The following COL4A6 variants were observed in gnomAD, a reference collection of about 807,000 sequenced individuals.
The protein encoded by COL4A6 is collagen type IV alpha 6 chain.
A neutral mutation model predicts 126.7 loss-of-function variants in COL4A6; 59 were observed. That is an observed-to-expected ratio of 0.47 (90% CI 0.38 to 0.58). The LOEUF (loss-of-function observed/expected upper bound fraction) is 0.58, where lower values mean the gene tolerates loss of function less well. COL4A6 is among the 20% of genes least tolerant of loss of function. COL4A6 has a pLI of 0.00. For synonymous variants in COL4A6, 547 were observed against 496.6 expected, an observed-to-expected ratio of 1.10 and a Z score of -1.35; for missense variants, 1,285 against 1,337.3, an observed-to-expected ratio of 0.96 and a Z score of 0.61.
At chrX:108,421,162 TC>T (rs760204303) in intron 2 of COL4A6, among the ~76,000 whole-genome samples, 1 of 112,094 alleles carries the variant, frequency 8.9e-6, no homozygotes, top group Non-Finnish European at 1.9e-5. Context: ...TTGCTGGCTG[TC>T]TTTTTGCCAT....
At chrX:108,328,467 C>G (rs750232070) in intron 2 of COL4A6, among the ~76,000 whole-genome samples, 4 of 111,008 alleles carry the variant, frequency 3.6e-5, no homozygotes, top group Admixed American at 1.9e-4. Context: ...ATGATTAAGT[C>G]TCTAGATCTA....
At chrX:108,279,040 G>T (rs768885576) in intron 3 of COL4A6, among the ~76,000 whole-genome samples, 113 of 111,958 alleles carry the variant, frequency 1.0e-3, no homozygotes, top group African/African-American at 3.6e-3. Context: ...GCAAAAACAT[G>T]CCAAATTGTA....
At chrX:108,409,468 C>T (rs2041283015) in intron 2 of COL4A6, among the ~76,000 whole-genome samples, 1 of 112,055 alleles carries the variant, frequency 8.9e-6, no homozygotes, top group Admixed American at 9.5e-5. Context: ...TTCCTCTAAA[C>T]AATCCTGAGA....
intron 2 of COL4A6, among the ~76,000 whole-genome samples, chrX:108,359,344 C>T (rs1441354724): frequency 8.9e-6 from 1 of 112,649 alleles, no homozygotes; most frequent in Non-Finnish European, 1.9e-5. Flanking sequence ...TAATCCAGAT[C>T]TGTCTGACAC....
chrX:108,380,788 T>C (rs1051140274), intron 2 of COL4A6, among the ~76,000 whole-genome samples: 1 of 112,087 alleles, frequency 8.9e-6, no homozygotes, highest in Non-Finnish European at 1.9e-5. Context: ...CCCAGAGTCA[T>C]TGAATCAAAA....
chrX:108,281,148 A>G (rs1162130237), intron 3 of COL4A6, among the ~76,000 whole-genome samples: 9 of 96,714 alleles, frequency 9.3e-5, no homozygotes, highest in Admixed American at 1.2e-4. Context: ...TGGCCAGGGC[A>G]ATTAGGCAGG....
chrX:108,406,826 C>T (rs752405473), intron 2 of COL4A6, among the ~76,000 whole-genome samples: 3 of 110,968 alleles, frequency 2.7e-5, no homozygotes, highest in Admixed American at 9.6e-5. Context: ...TTCAATTAGA[C>T]TGCCATGCAA....
intron 40 of COL4A6, chrX:108,163,267 T>G: frequency 2.8e-6 from 1 of 354,365 alleles, no homozygotes; most frequent in South Asian, 5.5e-5. Flanking sequence ...GTCATATTCA[T>G]CCTGTCTCCT....
At chrX:108,221,113 G>T in intron 4 of COL4A6, 127 bp downstream of exon 4, 2 of 962,329 alleles carry the variant, frequency 2.1e-6, no homozygotes, top group Non-Finnish European at 3.0e-6. Context: ...AAAAAATGCA[G>T]AAATGCAGCC....
chrX:108,363,518 A>G (rs1363679560), intron 2 of COL4A6, among the ~76,000 whole-genome samples: 1 of 112,155 alleles, frequency 8.9e-6, no homozygotes, highest in East Asian at 2.8e-4. Flanking sequence ...CTTGTCCCCA[A>G]ATTACACCAC....
chrX:108,349,856 G>T (rs1335590140), intron 2 of COL4A6, among the ~76,000 whole-genome samples: 1 of 111,631 alleles, frequency 9.0e-6, no homozygotes, highest in African/African-American at 3.3e-5. Flanking sequence ...ATTTATTTTC[G>T]TCTATGCTAG....
At chrX:108,171,267 T>A (rs1193774014) in intron 33 of COL4A6, 120 bp downstream of exon 33, 1 of 563,174 alleles carries the variant, frequency 1.8e-6, no homozygotes, top group African/African-American at 2.3e-5. Flanking sequence ...AATTGATAGA[T>A]AGGAAATTTT....
intron 3 of COL4A6, among the ~76,000 whole-genome samples, chrX:108,270,376 T>C (rs2037416093): frequency 8.8e-6 from 1 of 113,067 alleles, no homozygotes; most frequent in Non-Finnish European, 1.9e-5. Flanking sequence ...TACAAGCTTA[T>C]GCTTTAAGAG....
intron 4 of COL4A6, chrX:108,221,014 T>A: frequency 2.3e-6 from 1 of 440,195 alleles, no homozygotes; most frequent in Non-Finnish European, 4.2e-6. Context: ...AGGAGAATCA[T>A]TTGAACCCAA....
At chrX:108,323,815 T>C (rs1421400386) in intron 2 of COL4A6, among the ~76,000 whole-genome samples, 1 of 112,354 alleles carries the variant, frequency 8.9e-6, no homozygotes, top group Non-Finnish European at 1.9e-5. Context: ...GCCTTCCTTT[T>C]TGACTACTTT....
At chrX:108,187,542 C>T (rs891233470) in intron 22 of COL4A6, among the ~76,000 whole-genome samples, 4 of 111,590 alleles carry the variant, frequency 3.6e-5, no homozygotes, top group Non-Finnish European at 7.5e-5. Context: ...ATAATAACAA[C>T]CCCAGAGATC....
chrX:108,304,925 G>T (rs1485706728), intron 3 of COL4A6, among the ~76,000 whole-genome samples: 1 of 112,323 alleles, frequency 8.9e-6, no homozygotes, highest in African/African-American at 3.2e-5. Context: ...GCTAATCCTG[G>T]ATGTGGAGAG....
intron 3 of COL4A6, among the ~76,000 whole-genome samples, chrX:108,293,614 A>T (rs906671263): frequency 4.5e-5 from 5 of 111,575 alleles, no homozygotes; most frequent in Non-Finnish European, 9.4e-5. Context: ...CTACCCAACC[A>T]TACAGGTCTG....
At chrX:108,369,263 G>T (rs1431192517) in intron 2 of COL4A6, among the ~76,000 whole-genome samples, 1 of 111,480 alleles carries the variant, frequency 9.0e-6, no homozygotes, top group East Asian at 2.8e-4. Flanking sequence ...CGTACATGTG[G>T]TTCACTGTTG....
Sources: gnomAD v4.1 joint callset for allele counts (sites outside exome capture counted in the v4.1 genomes callset) on GRCh38, gnomAD v4.1.1 for gene constraint, MANE v1.5 for transcripts, NCBI Gene and HGNC (gene_info 2026-07-23, HGNC 2026-07-21) for gene names.